The following FAR1 variants were observed in gnomAD, a reference collection of about 807,000 sequenced individuals.
The protein encoded by FAR1 is fatty acyl-CoA reductase 1.
FAR1 carries 22 observed loss-of-function variants against 61.1 expected under a neutral mutation model. The ratio of observed to expected loss-of-function variants is 0.36; its 90% confidence interval spans 0.26 to 0.51. The LOEUF (loss-of-function observed/expected upper bound fraction) is 0.51, where lower values mean the gene tolerates loss of function less well. FAR1 is among the 20% of genes least tolerant of loss of function. The probability of loss-of-function intolerance (pLI) is 0.95; values close to 1 mark genes in which losing one functional copy is unlikely to be tolerated. For missense variants in FAR1, 359 were observed against 626.9 expected (o/e 0.57, Z 4.56); for synonymous variants, 206 against 209.7 (o/e 0.98, Z 0.15).
chr11:13,711,907 T>G, intron 6 of FAR1, 21 bp from the exon 7 acceptor site: 1 of 1,599,254 alleles, frequency 6.3e-7, no homozygotes, highest in African/African-American at 1.3e-5. Context: ...TCTTAAGGTG[T>G]TGTTTTTAAT....
chr11:13,710,565 C>A, intron 4 of FAR1, 128 bp from the exon 5 acceptor site: 1 of 727,522 alleles, frequency 1.4e-6, no homozygotes, highest in Non-Finnish European at 2.1e-6. Context: ...TTCCATTTTT[C>A]AGTAAAAGTT....
chr11:13,692,530 T>C (rs1467077025), intron 1 of FAR1, among the ~76,000 whole-genome samples: 1 of 152,020 alleles, frequency 6.6e-6, no homozygotes, highest in African/African-American at 2.4e-5. Flanking sequence ...TTTTTGTACG[T>C]CTTCACCAAC....
chr11:13,715,730 CTT>C (rs1205650268), intron 9 of FAR1: 1 of 152,060 alleles, frequency 6.6e-6, no homozygotes, highest in African/African-American at 2.4e-5. Context: ...CTCCTACTGT[CTT>C]TACCACACAA....
intron 1 of FAR1, among the ~76,000 whole-genome samples, chr11:13,688,657 A>C (rs1209010557): frequency 6.6e-6 from 1 of 152,084 alleles, no homozygotes; most frequent in Non-Finnish European, 1.5e-5. Flanking sequence ...ATTTTTACAT[A>C]AGAAAAAAAT....
intron 5 of FAR1, chr11:13,711,122 T>C (rs1848494360): frequency 2.3e-6 from 1 of 441,132 alleles, no homozygotes; most frequent in East Asian, 4.7e-5. Context: ...TGACATTTTC[T>C]TAAGTCAGAG....
intron 5 of FAR1, chr11:13,711,176 CAGGAGGTAG>C: frequency 3.0e-6 from 1 of 338,716 alleles, no homozygotes; most frequent in Non-Finnish European, 5.4e-6. Context: ...GCAGACCTTC[CAGGAGGTAG>C]ACCCCTTCCT....
chr11:13,678,286 A>G (rs1194020794), intron 1 of FAR1, among the ~76,000 whole-genome samples: 1 of 151,792 alleles, frequency 6.6e-6, no homozygotes, highest in East Asian at 1.9e-4. Context: ...TTTTTTTGAG[A>G]CTGAGTCTCG....
chr11:13,694,626 T>G (rs2074366981), intron 1 of FAR1, 133 bp from the exon 2 acceptor site: 2 of 694,456 alleles, frequency 2.9e-6, no homozygotes, highest in Admixed American at 3.1e-5. Context: ...GAGGTTAGAG[T>G]CCTCTCTTGT....
At chr11:13,696,683 T>C (rs966745660) in intron 2 of FAR1, among the ~76,000 whole-genome samples, 1 of 152,210 alleles carries the variant, frequency 6.6e-6, no homozygotes, top group Admixed American at 6.5e-5. Flanking sequence ...TTTTATCTTA[T>C]GCCTTCAGTT....
intron 5 of FAR1, 61 bp downstream of exon 5, chr11:13,710,931 A>C: frequency 7.0e-7 from 1 of 1,431,354 alleles, no homozygotes; most frequent in South Asian, 1.3e-5. Context: ...GTAACTCTGT[A>C]TAAAAAGAGC....
rs1055892128 is a variant in FAR1, at chr11:13,731,192, T to A, written c.*2418T>A. On this transcript the variant is annotated 3_prime_UTR_variant, in exon 12 of 12. Transcript: ENST00000354817. ...ATTGTGATGTCATTGAGACTATATT[T>A]ATATTTGACTTGGCAACATTAACAT... The A allele has an allele frequency of 6.6e-6, 1 of 152,622 alleles. No individual in the cohort carries two copies. The highest frequency in any genetic ancestry group is 1.5e-5 in the Non-Finnish European group (1 of 68,028). 9.5% of individuals were successfully genotyped at this position (152,622 alleles called of 1,614,324 possible). A position where few individuals can be genotyped will look rare whatever the true frequency, so the allele number is the denominator to read the frequency against.
chr11:13,720,069 A>G (rs893731131), intron 9 of FAR1: 6 of 152,280 alleles, frequency 3.9e-5, no homozygotes, highest in African/African-American at 7.2e-5. Flanking sequence ...TAAATATTCT[A>G]TAAATTTCAC....
intron 1 of FAR1, among the ~76,000 whole-genome samples, chr11:13,685,849 T>C (rs1848179949): frequency 6.6e-6 from 1 of 152,206 alleles, no homozygotes; most frequent in African/African-American, 2.4e-5. Context: ...GTGGAGCAGA[T>C]TTTTGTCCAT....
chr11:13,719,730 T>C (rs1292078761), intron 9 of FAR1, among the ~76,000 whole-genome samples: 1 of 152,154 alleles, frequency 6.6e-6, no homozygotes, highest in African/African-American at 2.4e-5. Context: ...GGAGGGCTGC[T>C]ACCAGCACCT....
intron 9 of FAR1, among the ~76,000 whole-genome samples, chr11:13,716,639 TA>T (rs1478753381): frequency 3.3e-5 from 5 of 152,172 alleles, no homozygotes; most frequent in Non-Finnish European, 4.4e-5. Flanking sequence ...GGAAGTCTTT[TA>T]GCAAGTAAGG....
Position 13,693,791 on chromosome 11 carries a change from TTTTC to T in FAR1, c.-7-961_-7-958del, listed in dbSNP as rs368302779. ...TTTCTTCTAGAAATTCTTCTGTTTC[TTTTC>T]TTTCTTCCTTTTTGTTTGACTTGGT... On this transcript the variant is annotated intron_variant, in intron 1 of 11. Coordinates refer to ENST00000354817, the MANE Select transcript of FAR1 (RefSeq NM_032228.6). Among the ~76,000 whole-genome samples, 772 of 152,308 alleles carry T rather than the reference TTTTC, an allele frequency of 5.1e-3. 10 individuals are homozygous for T. The highest frequency in any genetic ancestry group is 0.018 in the African/African-American group (731 of 41,574).
chr11:13,686,657 C>G (rs956275608), intron 1 of FAR1: 2 of 152,128 alleles, frequency 1.3e-5, no homozygotes, highest in South Asian at 4.1e-4. Context: ...TTCGGACCAG[C>G]TTTACACTTT....
At chr11:13,680,713 T>TAGTGGCACCAAGCCATTAATG (rs1222866104) in intron 1 of FAR1, among the ~76,000 whole-genome samples, 12 of 152,202 alleles carry the variant, frequency 7.9e-5, no homozygotes, top group African/African-American at 2.6e-4. Context: ...TGAGAACGCT[T>TAGTGGCACCAAGCCATTAATG]AGTGGCACCA....
intron 2 of FAR1, among the ~76,000 whole-genome samples, chr11:13,695,170 A>G (rs556297578): frequency 3.3e-5 from 5 of 152,324 alleles, no homozygotes; most frequent in South Asian, 2.1e-4. Context: ...GCAAAATTGT[A>G]TAACAAGCTC....
Sources: gnomAD v4.1 joint callset for allele counts (sites outside exome capture counted in the v4.1 genomes callset) on GRCh38, gnomAD v4.1.1 for gene constraint, MANE v1.5 for transcripts, NCBI Gene and HGNC (gene_info 2026-07-23, HGNC 2026-07-21) for gene names.